Variants in TRIM38 observed in about 807,000 individuals in gnomAD.
The protein encoded by TRIM38 is tripartite motif containing 38, also known as E3 ubiquitin-protein ligase TRIM38.
Under a neutral mutation model 35.8 loss-of-function variants are expected in TRIM38, and 35 were observed. That is an observed-to-expected ratio of 0.98 (90% CI 0.75 to 1.30). The LOEUF (loss-of-function observed/expected upper bound fraction) is 1.30. Ranked by LOEUF, TRIM38 falls within the 50% of genes most tolerant of loss-of-function variation. The pLI, the probability that TRIM38 is intolerant of heterozygous loss-of-function variation, is 0.00. For synonymous variants in TRIM38, 198 were observed against 204.7 expected (o/e 0.97, Z 0.28); for missense variants, 545 against 556.9 (o/e 0.98, Z 0.21).
rs181707370 is a variant in TRIM38 at position 25,970,130 on chromosome 6, A to C, written c.507+710A>C. The stretch of plus-strand genomic sequence containing the variant: ...ACGGGGTTTCACCATGTTGGCCAGG[A>C]TGGTCTTGATCTCCTGACCTCGTGA... On this transcript the variant is annotated intron_variant, in intron 4 of 7. Transcript: ENST00000357085. Among the ~76,000 whole-genome samples the C allele has an allele frequency of 9.9e-3, 1,510 of 151,930 alleles. 7 individuals are homozygous for C. The highest frequency in any genetic ancestry group is 0.013 in the Non-Finnish European group (913 of 67,956).
rs1760295713 is a variant in TRIM38, at chr6:25,973,276, A to T, written c.865A>T (p.Ser289Cys). Residue 289 changes from serine (S) to cysteine (C), a missense_variant, in exon 7 of 8, where the codon AGT (serine) becomes TGT (cysteine). Transcript: ENST00000357085. ...LYFDVKKMLR[S>C]HQVSVTLDPD... is the part of the protein sequence containing the mutation. Reference sequence around the variant, plus strand: ...CTTCGATGTGAAGAAAATGTTAAGGAGTCATCAAGGTATGTTCACTAAAGA... The same window carrying T: ...CTTCGATGTGAAGAAAATGTTAAGGTGTCATCAAGGTATGTTCACTAAAGA... 1.2e-6 allele frequency: 2 copies of T among 1,613,394 alleles called. No individual in the cohort carries two copies. The highest frequency in any genetic ancestry group is 8.5e-7 in the Non-Finnish European group (1 of 1,179,994).
chr6:25,973,962 A>C, intron 7 of TRIM38: 1 of 785,698 alleles, frequency 1.3e-6, no homozygotes, highest in Non-Finnish European at 1.5e-6. Flanking sequence ...ATCATGATTC[A>C]TTTGGCTACA....
rs1301056171 is a variant in TRIM38 at position 25,989,802 on chromosome 6, T to G, written c.*6115T>G. 6.6e-6 allele frequency: 1 copy of G among 152,128 alleles called. No homozygotes were observed. The highest frequency in any genetic ancestry group is 1.9e-4 in the East Asian group (1 of 5,202). 9.4% of individuals were successfully genotyped at this position (152,128 alleles called of 1,614,324 possible). On this transcript the variant is annotated 3_prime_UTR_variant, in exon 8 of 8. Transcript: ENST00000357085. ...TCTTCTTATAAATATGGTTTTCTTT[T>G]TTTAAATAAAAATTTAAGACATTTT...
chr6:25,968,139 C>T (rs553631688), intron 3 of TRIM38, among the ~76,000 whole-genome samples: 16 of 152,248 alleles, frequency 1.1e-4, no homozygotes, highest in Middle Eastern at 3.4e-3. Context: ...GTGTCAGGCT[C>T]CTTATTCTGT....
rs1374269989 is a variant in TRIM38, at chr6:25,963,293, T to A, written c.-189+11T>A. 6.6e-6 allele frequency: 1 copy of A among 151,006 alleles called. No individual in the cohort carries two copies. Among genetic ancestry groups the A allele is most frequent in the African/African-American group, 2.4e-5 (1 of 40,904 alleles). The allele number at this position is 151,006 out of a possible 1,614,324, so 9.4% of individuals were successfully genotyped here. A position where few individuals can be genotyped will look rare whatever the true frequency, so the allele number is the denominator to read the frequency against. On this transcript the variant is annotated intron_variant, in intron 2 of 7. Coordinates refer to ENST00000357085, the MANE Select transcript of TRIM38 (RefSeq NM_006355.5). Reference sequence around the variant, plus strand: ...AAAACAGCCTACCCGGTAATTGTAGTTAAATTACTGTTTTTTATTCTAGGC... The same window carrying A: ...AAAACAGCCTACCCGGTAATTGTAGATAAATTACTGTTTTTTATTCTAGGC...
intron 7 of TRIM38, among the ~76,000 whole-genome samples, chr6:25,982,174 A>G (rs1760563560): frequency 1.3e-5 from 2 of 152,190 alleles, no homozygotes; most frequent in Non-Finnish European, 1.5e-5. Flanking sequence ...CCCAGGGCTC[A>G]GGGCATAAAA....
chr6:25,988,494 TTC>T lies in TRIM38; in HGVS notation c.*4809_*4810del, dbSNP rs1368975537. The T allele has an allele frequency of 2.0e-5, 2 of 98,224 alleles. No individual in the cohort carries two copies. The highest frequency in any genetic ancestry group is 9.5e-5 in the African/African-American group (2 of 21,092). 6.1% of individuals were successfully genotyped at this position (98,224 alleles called of 1,614,324 possible). A position where few individuals can be genotyped will look rare whatever the true frequency, so the allele number is the denominator to read the frequency against. On this transcript the variant is annotated 3_prime_UTR_variant, in exon 8 of 8. Coordinates refer to ENST00000357085, the MANE Select transcript of TRIM38 (RefSeq NM_006355.5). ...TTTTTCTTTTTCTTTTTTCTTTTCT[TTC>T]TTTTTTTTTTTTTTTTTGAGACAGA...
intron 7 of TRIM38, 46 bp downstream of exon 7, chr6:25,973,331 T>G: frequency 6.3e-7 from 1 of 1,590,360 alleles, no homozygotes; most frequent in South Asian, 1.1e-5. Context: ...AGAAGGGGCC[T>G]TATGCAGTAA....
In TRIM38 at chr6:25,986,919, C is replaced by T. The variant is rs939288610; in HGVS notation, c.*3232C>T. ...AGGGTGAAGAGCATGTGTGCAACAG[C>T]TCTCTTTTACTCTAGTGTCCTAAAA... is the stretch of plus-strand genomic sequence containing the variant. On this transcript the variant is annotated 3_prime_UTR_variant, in exon 8 of 8. Coordinates refer to ENST00000357085, the MANE Select transcript of TRIM38 (RefSeq NM_006355.5). The T allele has an allele frequency of 6.6e-6, 1 of 152,296 alleles. No individual in the cohort carries two copies. Among genetic ancestry groups the T allele is most frequent in the Admixed American group, 6.5e-5 (1 of 15,298 alleles). The allele number at this position is 152,296 out of a possible 1,614,324, so 9.4% of individuals were successfully genotyped here. A position where few individuals can be genotyped will look rare whatever the true frequency, so the allele number is the denominator to read the frequency against.
intron 7 of TRIM38, 28 bp downstream of exon 7, chr6:25,973,313 C>T: frequency 1.9e-6 from 3 of 1,608,370 alleles, no homozygotes; most frequent in Admixed American, 3.3e-5. Flanking sequence ...TTCCTGAATA[C>T]TGTGGATAGA....
intron 7 of TRIM38, among the ~76,000 whole-genome samples, chr6:25,981,155 C>T (rs974205728): frequency 6.6e-6 from 1 of 152,354 alleles, no homozygotes; most frequent in Middle Eastern, 3.4e-3. Flanking sequence ...TGTAACTATA[C>T]TAGAGTGTGC....
intron 7 of TRIM38, among the ~76,000 whole-genome samples, chr6:25,982,634 A>G (rs1760576694): frequency 6.6e-6 from 1 of 152,252 alleles, no homozygotes; most frequent in South Asian, 2.1e-4. Context: ...TTAAGCAAAC[A>G]TAAGCTTATT....
chr6:25,983,405 T>C lies in TRIM38; in HGVS notation c.1116T>C (p.Thr372=). The C allele has an allele frequency of 6.2e-7, 1 of 1,614,156 alleles. No individual in the cohort carries two copies. ...GTATGGAAAATGTGCAGAGGGGCAC[T>C]GGCATGAAGCAAGAGCCTCAGTCTG... is the stretch of plus-strand genomic sequence containing the variant. The part of the protein sequence containing the change: ...GVCMENVQRG[T]GMKQEPQSGF... The change falls in exon 8 of 8, where the codon ACT becomes ACC. Residue 372 remains threonine, a synonymous_variant. Coordinates refer to ENST00000357085, the MANE Select transcript of TRIM38 (RefSeq NM_006355.5).
At chr6:25,968,607 T>C (rs993542423) in intron 3 of TRIM38, among the ~76,000 whole-genome samples, 1 of 152,248 alleles carries the variant, frequency 6.6e-6, no homozygotes, top group South Asian at 2.1e-4. Flanking sequence ...ATGAGTATAC[T>C]TGTTGGGTTT....
At position 25,966,566 on chromosome 6, in the gene TRIM38, C is replaced by T; in HGVS notation, c.44C>T (p.Thr15Ile). The change falls in exon 3 of 8, where the codon ACC (threonine) becomes ATC (isoleucine). Residue 15 changes from threonine to isoleucine, a missense_variant. By Grantham distance (89) the Thr-to-Ile change is moderately conservative (BLOSUM62 -1). Transcript: ENST00000357085. ...ACCAAGAAGATGATGGAGGAAGCCA[C>T]CTGCTCCATCTGCCTGAGCCTGATG... is the stretch of plus-strand genomic sequence containing the variant. The part of the protein sequence containing the change: ...TSTKKMMEEA[T>I]CSICLSLMTN... 2 of 1,613,850 alleles carry T rather than the reference C, an allele frequency of 1.2e-6. No homozygotes were observed. The highest frequency in any genetic ancestry group is 1.7e-4 in the Middle Eastern group (1 of 6,058).
intron 5 of TRIM38, 48 bp downstream of exon 5, chr6:25,972,147 A>G (rs1327689676): frequency 4.0e-6 from 6 of 1,503,148 alleles, no homozygotes; most frequent in Non-Finnish European, 5.5e-6. Flanking sequence ...TTATAGTGCT[A>G]TTAAAGGAGA....
At position 25,966,641 on chromosome 6, in the gene TRIM38, T is replaced by A; in HGVS notation, c.119T>A (p.Ile40Lys). ...GGACACAGCTACTGCCACTTGTGTA[T>A]AACAGACTTCTTTAAAAACCCAAGC... ...NCGHSYCHLC[I>K]TDFFKNPSQK... The change falls in exon 3 of 8, where the codon ATA becomes AAA. Residue 40 changes from isoleucine to lysine, a missense_variant. Coordinates refer to ENST00000357085, the MANE Select transcript of TRIM38 (RefSeq NM_006355.5). 1 of 1,614,164 alleles carries A rather than the reference T, an allele frequency of 6.2e-7. No individual in the cohort carries two copies. The highest frequency in any genetic ancestry group is 1.1e-5 in the South Asian group (1 of 91,078).
intron 7 of TRIM38, among the ~76,000 whole-genome samples, chr6:25,974,365 C>CAG (rs1260591646): frequency 1.4e-4 from 22 of 152,186 alleles, no homozygotes; most frequent in African/African-American, 5.3e-4. Context: ...GTTATTTCTT[C>CAG]AGAGAGAGCT....
At position 25,966,782 on chromosome 6, in the gene TRIM38, C is replaced by T. The variant is rs371244095; in HGVS notation, c.260C>T (p.Thr87Met). The change falls in exon 3 of 8, where the codon ACG becomes ATG. Residue 87 changes from threonine (T) to methionine (M), a missense_variant. Transcript: ENST00000357085. The stretch of plus-strand genomic sequence containing the variant: ...AGCCTCATTGAAGCCCTCAAAGAGA[C>T]GGATCAAGAAATGTCATGTGAGGAA... ...LGSLIEALKE[T>M]DQEMSCEEHG... The T allele has an allele frequency of 1.1e-5, 18 of 1,614,074 alleles. No individual in the cohort carries two copies. The highest frequency in any genetic ancestry group is 1.6e-4 in the Middle Eastern group (1 of 6,084).
Sources: allele counts gnomAD v4.1 joint callset (sites outside exome capture counted in the v4.1 genomes callset), GRCh38; gene constraint gnomAD v4.1.1; transcripts MANE v1.5; gene names NCBI Gene and HGNC (gene_info 2026-07-23, HGNC 2026-07-21).